The following NAF1 variants were observed in gnomAD, a reference collection of about 807,000 sequenced individuals.
The protein encoded by NAF1 is H/ACA ribonucleoprotein complex non-core subunit NAF1.
A neutral mutation model predicts 40.6 loss-of-function variants in NAF1; 11 were observed. The observed-to-expected ratio is 0.27, with a 90% CI of 0.17 to 0.45. The LOEUF is 0.45. Among genes scored for constraint, NAF1 ranks in the 20% least tolerant of loss-of-function variants. The pLI, the probability that NAF1 is intolerant of heterozygous loss-of-function variation, is 1.00. For synonymous variants in NAF1, 260 were observed against 228.5 expected, an observed-to-expected ratio of 1.14 and a Z score of -1.24; for missense variants, 607 against 611.1, an observed-to-expected ratio of 0.99 and a Z score of 0.07.
chr4:163,149,471 T>A (rs1281960473), intron 2 of NAF1, among the ~76,000 whole-genome samples: 1 of 152,152 alleles, frequency 6.6e-6, no homozygotes. Flanking sequence ...TAAGCAGACA[T>A]CTAAAATACA....
At chr4:163,139,640 T>A (rs546717460) in intron 5 of NAF1, among the ~76,000 whole-genome samples, 1 of 152,002 alleles carries the variant, frequency 6.6e-6, no homozygotes, top group East Asian at 1.9e-4. Flanking sequence ...GCCACAGAAA[T>A]CACTTAGCAT....
chr4:163,144,150 G>T, intron 4 of NAF1: 2 of 295,498 alleles, frequency 6.8e-6, no homozygotes, highest in Non-Finnish European at 1.0e-5. Context: ...GATTTCACTA[G>T]TTCATCAAGG....
chr4:163,120,807 A>G (rs1398155876), intron 2 of NAF1, among the ~76,000 whole-genome samples: 1 of 152,178 alleles, frequency 6.6e-6, no homozygotes, highest in East Asian at 1.9e-4. Context: ...CTAGTCTGCC[A>G]ATGACAGCAA....
chr4:163,144,907 AAGTT>A (rs1471920907), intron 4 of NAF1, among the ~76,000 whole-genome samples: 2 of 152,202 alleles, frequency 1.3e-5, no homozygotes, highest in African/African-American at 4.8e-5. Flanking sequence ...AAAATTGTCT[AAGTT>A]AGGTACTAAG....
downstream of NAF1, among the ~76,000 whole-genome samples, chr4:163,126,274 T>G (rs1426850786): frequency 6.6e-6 from 1 of 152,216 alleles, no homozygotes; most frequent in Non-Finnish European, 1.5e-5. Flanking sequence ...GGAAACCTTC[T>G]GGAAAGGATT....
At position 163,164,400 on chromosome 4, in the gene NAF1, A is replaced by G; in HGVS notation, c.366-9T>C. The G allele has an allele frequency of 6.6e-7, 1 of 1,518,928 alleles. No homozygotes were observed. The highest frequency in any genetic ancestry group is 8.8e-7 in the Non-Finnish European group (1 of 1,136,344). 94.1% of individuals were successfully genotyped at this position (1,518,928 alleles called of 1,614,324 possible). Reference sequence around the variant, plus strand: ...TATCTGAATCTGTTTCACTGTAGGGAAGAAAACAGTTAAAAAAATAGTCCA... The same window carrying G: ...TATCTGAATCTGTTTCACTGTAGGGGAGAAAACAGTTAAAAAAATAGTCCA... On this transcript the variant is annotated splice_polypyrimidine_tract_variant and intron_variant, in intron 1 of 7. Transcript: ENST00000274054.
intron 3 of NAF1, among the ~76,000 whole-genome samples, chr4:163,147,666 C>G (rs1271149779): frequency 6.6e-6 from 1 of 152,176 alleles, no homozygotes; most frequent in Non-Finnish European, 1.5e-5. Flanking sequence ...ATACCTGAAT[C>G]TGTAAATACA....
At chr4:163,119,424 T>A (rs1390401625) in intron 2 of NAF1, 1 of 152,206 alleles carries the variant, frequency 6.6e-6, no homozygotes, top group Non-Finnish European at 1.5e-5. Context: ...GAAAACAAGA[T>A]GAAAGCCATG....
chr4:163,134,655 A>G (rs184536958), intron 6 of NAF1, among the ~76,000 whole-genome samples: 37 of 152,342 alleles, frequency 2.4e-4, no homozygotes, highest in African/African-American at 8.9e-4. Flanking sequence ...ACTTCTTGGT[A>G]TGGATAACCC....
At chr4:163,149,525 T>C (rs182082557) in intron 2 of NAF1, among the ~76,000 whole-genome samples, 17 of 152,294 alleles carry the variant, frequency 1.1e-4, no homozygotes, top group Admixed American at 5.2e-4. Flanking sequence ...GGATTACTTA[T>C]GGAGAGCAAC....
In NAF1 at chr4:163,164,340, T is replaced by C; in HGVS notation, c.417A>G (p.Ser139=). The stretch of plus-strand genomic sequence containing the variant: ...ATATACAAGAGGAAGAAGACGACGA[T>C]GAGGAAGATGAAGAGGAAGACGATG... ...SSSSSSSSSS[S]SSSSSSCISL... Residue 139 remains serine (S), a synonymous_variant, in exon 2 of 8, where the codon TCA becomes TCG. Coordinates refer to ENST00000274054, the MANE Select transcript of NAF1 (RefSeq NM_138386.3). The C allele has an allele frequency of 6.3e-7, 1 of 1,598,564 alleles. No individual in the cohort carries two copies. Among genetic ancestry groups the C allele is most frequent in the African/African-American group, 1.3e-5 (1 of 74,362 alleles).
At chr4:163,132,692 T>C (rs895206339) in intron 7 of NAF1, among the ~76,000 whole-genome samples, 19 of 152,222 alleles carry the variant, frequency 1.2e-4, no homozygotes, top group African/African-American at 4.1e-4. Context: ...GTTCCATATA[T>C]AGTTATGCAA....
intron 6 of NAF1, 116 bp downstream of exon 6, chr4:163,137,083 G>T: frequency 9.0e-7 from 1 of 1,115,632 alleles, no homozygotes; most frequent in Non-Finnish European, 1.3e-6. Flanking sequence ...GACAGGATAA[G>T]GCAGTATGGC....
intron 2 of NAF1, among the ~76,000 whole-genome samples, chr4:163,159,028 T>G (rs572947919): frequency 6.6e-6 from 1 of 152,226 alleles, no homozygotes; most frequent in Admixed American, 6.5e-5. Context: ...TTTGTCTTTA[T>G]CTTCTAAAGC....
intron 6 of NAF1, chr4:163,135,783 C>T (rs1022116810): frequency 3.9e-5 from 6 of 152,010 alleles, no homozygotes; most frequent in Admixed American, 6.6e-5. Flanking sequence ...GAGCAAAACT[C>T]CATCCCCTAC....
chr4:163,134,611 T>A (rs1335221108), intron 6 of NAF1, among the ~76,000 whole-genome samples: 1 of 152,186 alleles, frequency 6.6e-6, no homozygotes, highest in Non-Finnish European at 1.5e-5. Context: ...TATGTTATTA[T>A]AGTGCTGGAT....
In NAF1 at chr4:163,132,443, C is replaced by T. The variant is rs890172298; in HGVS notation, c.1033+711G>A. ...AATGTGGGTGGATGCACAGATACTA[C>T]GCTCAGTGGCAAAAGCCTTTCCCTA... On this transcript the variant is annotated intron_variant, in intron 7 of 7. Coordinates refer to ENST00000274054, the MANE Select transcript of NAF1 (RefSeq NM_138386.3). Among the ~76,000 whole-genome samples the T allele has an allele frequency of 4.6e-5, 7 of 152,268 alleles. No individual in the cohort carries two copies. The South Asian group carries it at 8.3e-4, about 18-fold the overall frequency.
At chr4:163,131,449 G>A (rs1206193273) in intron 7 of NAF1, among the ~76,000 whole-genome samples, 2 of 152,150 alleles carry the variant, frequency 1.3e-5, no homozygotes. Flanking sequence ...ATTTGTTGAT[G>A]TAGAGAAGAT....
chr4:163,112,071 T>C (rs979768385), intron 2 of NAF1, among the ~76,000 whole-genome samples: 1 of 151,926 alleles, frequency 6.6e-6, no homozygotes, highest in African/African-American at 2.4e-5. Flanking sequence ...AGATTATTAA[T>C]AATTTTGCAA....
Sources: allele counts gnomAD v4.1 joint callset (sites outside exome capture counted in the v4.1 genomes callset), GRCh38; gene constraint gnomAD v4.1.1; transcripts MANE v1.5; gene names NCBI Gene and HGNC (gene_info 2026-07-23, HGNC 2026-07-21).